DNAJC6: variants seen among roughly 807,000 people sequenced by gnomAD.
DNAJC6 encodes the protein auxilin.
Under a neutral mutation model 110.0 loss-of-function variants are expected in DNAJC6, and 34 were observed. The observed-to-expected ratio is 0.31, with a 90% confidence interval of 0.24 to 0.41. The LOEUF (loss-of-function observed/expected upper bound fraction) is 0.41, where lower values mean the gene tolerates loss of function less well. Among genes scored for constraint, DNAJC6 ranks in the 10% least tolerant of loss-of-function variants. DNAJC6 has a pLI of 1.00. For synonymous variants in DNAJC6, 406 were observed against 437.2 expected, an observed-to-expected ratio of 0.93 and a Z score of 0.89; for missense variants, 1,031 against 1,207.8, an observed-to-expected ratio of 0.85 and a Z score of 2.17.
At chr1:65,374,994 G>T (rs550096841) in intron 4 of DNAJC6, among the ~76,000 whole-genome samples, 1 of 140,104 alleles carries the variant, frequency 7.1e-6, no homozygotes, top group Non-Finnish European at 1.5e-5. Flanking sequence ...TTTTTGAGAC[G>T]GAGTTTTGCT....
chr1:65,301,322 C>T (rs1401400879), intron 1 of DNAJC6, among the ~76,000 whole-genome samples: 1 of 150,782 alleles, frequency 6.6e-6, no homozygotes, highest in African/African-American at 2.4e-5. Flanking sequence ...CAAATGGGCA[C>T]TTCCCCCCCC....
At chr1:65,352,899 A>G (rs955237016) in intron 1 of DNAJC6, among the ~76,000 whole-genome samples, 2 of 152,316 alleles carry the variant, frequency 1.3e-5, no homozygotes, top group East Asian at 3.9e-4. Context: ...TTGTTTGGGA[A>G]GACTGATAGA....
intron 1 of DNAJC6, among the ~76,000 whole-genome samples, chr1:65,348,784 A>G (rs895291163): frequency 6.6e-6 from 1 of 150,624 alleles, no homozygotes; most frequent in Non-Finnish European, 1.5e-5. Context: ...ATTGGGATTA[A>G]GTCTACTCTC....
At chr1:65,302,523 C>CTTTTTTTTTT (rs1169755787) in intron 1 of DNAJC6, among the ~76,000 whole-genome samples, 7 of 85,336 alleles carry the variant, frequency 8.2e-5, no homozygotes, top group Non-Finnish European at 1.5e-4. Flanking sequence ...CTCTTCCTTT[C>CTTTTTTTTTT]TTTTTTTTTT....
At chr1:65,282,721 A>G (rs1226682815) in intron 1 of DNAJC6, among the ~76,000 whole-genome samples, 1 of 152,218 alleles carries the variant, frequency 6.6e-6, no homozygotes, top group Non-Finnish European at 1.5e-5. Flanking sequence ...TAAGGAAAGT[A>G]TAAGGAAGTC....
At chr1:65,300,462 C>T (rs536627017) in intron 1 of DNAJC6, among the ~76,000 whole-genome samples, 26 of 152,134 alleles carry the variant, frequency 1.7e-4, no homozygotes, top group Non-Finnish European at 3.2e-4. Context: ...CCTATGTATG[C>T]ATCTAGTAGA....
chr1:65,302,850 T>C (rs1011326056), intron 1 of DNAJC6, among the ~76,000 whole-genome samples: 2 of 152,178 alleles, frequency 1.3e-5, no homozygotes, highest in Non-Finnish European at 2.9e-5. Flanking sequence ...CTTCCTTTCT[T>C]ATCCTCTCTT....
chr1:65,323,888 G>A (rs1483820611), intron 1 of DNAJC6, among the ~76,000 whole-genome samples: 2 of 152,144 alleles, frequency 1.3e-5, no homozygotes, highest in Non-Finnish European at 2.9e-5. Context: ...TTCAGGCACA[G>A]TGAGCCACCA....
chr1:65,407,324 G>A (rs1245196466), intron 16 of DNAJC6, among the ~76,000 whole-genome samples: 1 of 152,108 alleles, frequency 6.6e-6, no homozygotes, highest in African/African-American at 2.4e-5. Flanking sequence ...TGGGGGTCTT[G>A]GAACATACCG....
At chr1:65,380,904 G>GTTTT (rs1557551972) in intron 5 of DNAJC6, among the ~76,000 whole-genome samples, 10 of 107,054 alleles carry the variant, frequency 9.3e-5, no homozygotes, top group African/African-American at 5.0e-4. Flanking sequence ...TTTTTTTTTT[G>GTTTT]TTTTTTGTTT....
chr1:65,278,718 C>A (rs1653752269), intron 1 of DNAJC6, among the ~76,000 whole-genome samples: 2 of 152,196 alleles, frequency 1.3e-5, no homozygotes, highest in Admixed American at 6.5e-5. Context: ...TCAAGTTCAG[C>A]CTCTTCATGT....
Position 65,392,782 on chromosome 1 carries a change from C to T in DNAJC6, c.1820C>T (p.Pro607Leu). 5 of 1,608,230 alleles carry T rather than the reference C, an allele frequency of 3.1e-6. No individual in the cohort carries two copies. Among genetic ancestry groups the T allele is most frequent in the Non-Finnish European group, 4.2e-6 (5 of 1,177,268 alleles). The change falls in exon 12 of 19, where the codon CCT (proline) becomes CTT (leucine). Residue 607 changes from proline (P) to leucine (L), a missense_variant. Coordinates refer to ENST00000371069, the MANE Select transcript of DNAJC6 (RefSeq NM_001256864.2). ...TCAGGAGTGGAAGATGTGTTTCATC[C>T]TAGTGGACCTGCGTCTACCCAGTCA... The part of the protein sequence containing the change: ...GQSGVEDVFH[P>L]SGPASTQSTP...
chr1:65,265,003 A>C, intron 1 of DNAJC6: 1 of 1,409,046 alleles, frequency 7.1e-7, no homozygotes, highest in South Asian at 1.2e-5. Context: ...ATGCGATGTC[A>C]CTCCACAGAC....
At chr1:65,388,905 C>T (rs1165373749) in intron 9 of DNAJC6, among the ~76,000 whole-genome samples, 1 of 152,136 alleles carries the variant, frequency 6.6e-6, no homozygotes, top group Non-Finnish European at 1.5e-5. Flanking sequence ...GATGGAGTTG[C>T]TGGGGCCAGG....
intron 1 of DNAJC6, among the ~76,000 whole-genome samples, chr1:65,313,135 C>T (rs904467550): frequency 3.9e-5 from 6 of 152,042 alleles, no homozygotes; most frequent in Admixed American, 2.0e-4. Flanking sequence ...TCACTGCAGT[C>T]TGGACCTCCT....
chr1:65,411,981 A>G (rs1348903446), intron 18 of DNAJC6, among the ~76,000 whole-genome samples: 1 of 152,142 alleles, frequency 6.6e-6, no homozygotes, highest in African/African-American at 2.4e-5. Flanking sequence ...CAAAAAAAGA[A>G]AAGAAAAAGT....
At chr1:65,379,561 TTTGGTC>T (rs775893691) in intron 5 of DNAJC6, 37 bp downstream of exon 5, 3 of 1,612,042 alleles carry the variant, frequency 1.9e-6, no homozygotes, top group African/African-American at 2.7e-5. Context: ...GATGGTTTGG[TTTGGTC>T]AAATATGGAT....
chr1:65,307,018 C>CTA (rs71056097), upstream of DNAJC6, among the ~76,000 whole-genome samples: 763 of 70,538 alleles, frequency 0.011, 11 homozygotes, highest in Middle Eastern at 0.023. Context: ...CTCTCTCTCT[C>CTA]TATATATATA....
chr1:65,308,943 T>G (rs58862492), upstream of DNAJC6, among the ~76,000 whole-genome samples: 1 of 151,234 alleles, frequency 6.6e-6, no homozygotes, highest in East Asian at 2.0e-4. Context: ...GGATCATCCC[T>G]ATTCTGGAGA....
Sources: gnomAD v4.1 joint callset for allele counts (sites outside exome capture counted in the v4.1 genomes callset) on GRCh38, gnomAD v4.1.1 for gene constraint, MANE v1.5 for transcripts, NCBI Gene and HGNC (gene_info 2026-07-23, HGNC 2026-07-21) for gene names.